Variants in OR56A3 observed in about 807,000 individuals in gnomAD.
The protein encoded by OR56A3 is olfactory receptor 56A3.
A neutral mutation model predicts 17.5 loss-of-function variants in OR56A3; 23 were observed. That is an observed-to-expected ratio of 1.32 (90% CI 0.95 to 1.87). OR56A3 has a LOEUF of 1.87. OR56A3 is among the 40% of genes most tolerant of loss of function. OR56A3 has a pLI of 0.00. For missense variants in OR56A3, 366 were observed against 380.1 expected (o/e 0.96, Z 0.31); for synonymous variants, 175 against 150.6 (o/e 1.16, Z -1.19).
At chr11:6,020,506 C>A in the OR56A3 span, 1 of 152,196 alleles carries the variant, frequency 6.6e-6, no homozygotes, top group East Asian at 1.9e-4. Flanking sequence ...TGGTAATTCT[C>A]ACTGTAGAGA....
At chr11:5,981,250 A>G in the OR56A3 span, among the ~76,000 whole-genome samples, 5 of 152,192 alleles carry the variant, frequency 3.3e-5, no homozygotes, top group Admixed American at 6.5e-5. Flanking sequence ...ATATCTTCAA[A>G]TGTGTTTTCC....
the OR56A3 span, chr11:5,986,757 C>G: frequency 5.0e-6 from 8 of 1,613,854 alleles, no homozygotes; most frequent in South Asian, 8.8e-5. Context: ...TAACATTGCC[C>G]ACTAAAGCAA....
the OR56A3 span, chr11:6,002,697 G>C: frequency 3.1e-6 from 5 of 1,614,132 alleles, no homozygotes; most frequent in South Asian, 1.1e-5. Flanking sequence ...GAGGAAGCAG[G>C]CTGGGAAGCT....
At position 5,950,049 on chromosome 11, in the gene OR56A3, A is replaced by G. The variant is rs1422824865; in HGVS notation, c.*1755A>G. The G allele has an allele frequency of 6.6e-6, 1 of 152,186 alleles. No individual in the cohort carries two copies. The highest frequency in any genetic ancestry group is 1.5e-5 in the Non-Finnish European group (1 of 68,006). The allele number at this position is 152,186 out of a possible 1,614,324, so 9.4% of individuals were successfully genotyped here. On this transcript the variant is annotated 3_prime_UTR_variant, in exon 3 of 3. Transcript: ENST00000641160. The stretch of plus-strand genomic sequence containing the variant: ...TGACTTGAAATGTGAATAACCGTAT[A>G]CCATGGAAGAATCTTACAATTATAA...
chr11:5,946,531 G>A (rs538845912), intron 2 of OR56A3, among the ~76,000 whole-genome samples: 10 of 152,104 alleles, frequency 6.6e-5, no homozygotes, highest in Admixed American at 4.6e-4. Context: ...GGTGAACTTC[G>A]TCACCCTCAC....
chr11:5,984,061 T>A, the OR56A3 span, among the ~76,000 whole-genome samples: 1 of 152,182 alleles, frequency 6.6e-6, no homozygotes, highest in Non-Finnish European at 1.5e-5. Flanking sequence ...ATTTTCAAAT[T>A]AAATTGCCTC....
the OR56A3 span, chr11:5,968,439 C>A: frequency 1.3e-6 from 2 of 1,589,720 alleles, no homozygotes; most frequent in Admixed American, 3.6e-5. Flanking sequence ...ACTGGGGAAA[C>A]AAATGAGGAA....
At chr11:5,963,740 C>T in the OR56A3 span, among the ~76,000 whole-genome samples, 5 of 152,146 alleles carry the variant, frequency 3.3e-5, no homozygotes, top group South Asian at 1.0e-3. Flanking sequence ...ATATCTTTCC[C>T]TGGGTTTGGA....
downstream of OR56A3, among the ~76,000 whole-genome samples, chr11:5,954,587 T>C (rs895132506): frequency 1.1e-3 from 163 of 152,340 alleles, 1 homozygote; most frequent in Non-Finnish European, 1.1e-3. Flanking sequence ...AATGTTTTCA[T>C]TGGAAAGTGG....
chr11:6,020,408 G>T, the OR56A3 span: 1 of 152,044 alleles, frequency 6.6e-6, no homozygotes, highest in East Asian at 1.9e-4. Context: ...GCAGTGTAGT[G>T]ATTTTAATGG....
the OR56A3 span, among the ~76,000 whole-genome samples, chr11:5,979,455 G>A: frequency 7.9e-5 from 12 of 152,016 alleles, no homozygotes; most frequent in East Asian, 9.7e-4. Flanking sequence ...TTGGAAGGTC[G>A]TATGTTCCAG....
chr11:5,963,545 T>G, the OR56A3 span, among the ~76,000 whole-genome samples: 1 of 152,154 alleles, frequency 6.6e-6, no homozygotes, highest in African/African-American at 2.4e-5. Flanking sequence ...CCTGTAAGGT[T>G]TTTGCTGAGA....
chr11:5,946,645 C>T (rs991122897), intron 2 of OR56A3, among the ~76,000 whole-genome samples: 1 of 152,010 alleles, frequency 6.6e-6, no homozygotes, highest in Admixed American at 6.6e-5. Context: ...GCTGTTTCTC[C>T]CAAAAGTTAG....
At chr11:5,981,957 GC>G in the OR56A3 span, among the ~76,000 whole-genome samples, 1 of 152,280 alleles carries the variant, frequency 6.6e-6, no homozygotes, top group South Asian at 2.1e-4. Flanking sequence ...TGGGTTGTGT[GC>G]TCTAACCCTG....
At chr11:6,002,660 C>G in the OR56A3 span, 4 of 1,614,142 alleles carry the variant, frequency 2.5e-6, no homozygotes, top group Middle Eastern at 1.6e-4. Context: ...ACTCCATGGT[C>G]AAAAAACTGT....
the OR56A3 span, among the ~76,000 whole-genome samples, chr11:5,992,311 T>G: frequency 1.6e-3 from 249 of 152,294 alleles, 1 homozygote; most frequent in Middle Eastern, 6.8e-3. Flanking sequence ...TCACACCCAA[T>G]GACTGCTGAT....
downstream of OR56A3, among the ~76,000 whole-genome samples, chr11:5,952,099 C>T (rs1204490568): frequency 6.6e-6 from 1 of 152,082 alleles, no homozygotes; most frequent in African/African-American, 2.4e-5. Context: ...AAACATAATG[C>T]ATAAAATAAC....
the OR56A3 span, among the ~76,000 whole-genome samples, chr11:5,978,409 G>A: frequency 6.6e-6 from 1 of 152,084 alleles, no homozygotes; most frequent in African/African-American, 2.4e-5. Context: ...AATTCTGGTT[G>A]TAGAGATATT....
chr11:6,015,254 G>A, the OR56A3 span, among the ~76,000 whole-genome samples: 1 of 152,160 alleles, frequency 6.6e-6, no homozygotes, highest in African/African-American at 2.4e-5. Context: ...AAGTCCAGAA[G>A]CCTAGGAGGG....
Sources: allele counts gnomAD v4.1 joint callset (sites outside exome capture counted in the v4.1 genomes callset), GRCh38; gene constraint gnomAD v4.1.1; transcripts MANE v1.5; gene names NCBI Gene and HGNC (gene_info 2026-07-23, HGNC 2026-07-21).